The following ABCA12 variants were observed in gnomAD, a reference collection of about 807,000 sequenced individuals.
The protein encoded by ABCA12 is ATP binding cassette subfamily A member 12.
In ABCA12, 156 loss-of-function variants were observed where a neutral mutation model predicts 293.5. The observed-to-expected ratio is 0.53, with a 90% CI of 0.47 to 0.61. The LOEUF is 0.61. Among genes scored for constraint, ABCA12 ranks in the 20% least tolerant of loss-of-function variants. The pLI, the probability that ABCA12 is intolerant of heterozygous loss-of-function variation, is 0.00. For synonymous variants in ABCA12, 1,063 were observed against 1,108.0 expected, an observed-to-expected ratio of 0.96 and a Z score of 0.81; for missense variants, 2,797 against 3,090.2, an observed-to-expected ratio of 0.91 and a Z score of 2.25.
chr2:215,052,463 C>T lies in ABCA12; in HGVS notation c.507+24G>A, dbSNP rs537104868. ...AAGGCCTATGTTGAATCACTCTACC[C>T]ATTACAAAATTGAATCAAGTTACCT... On this transcript the variant is annotated intron_variant, in intron 5 of 52. Coordinates refer to ENST00000272895, the MANE Select transcript of ABCA12 (RefSeq NM_173076.3). 16 of 1,583,288 alleles carry T rather than the reference C, an allele frequency of 1.0e-5. No individual in the cohort carries two copies. The South Asian group carries it at 1.7e-4, about 16-fold the overall frequency.
intron 20 of ABCA12, among the ~76,000 whole-genome samples, chr2:215,003,741 C>A (rs1700192887): frequency 6.6e-6 from 1 of 151,548 alleles, no homozygotes; most frequent in Non-Finnish European, 1.5e-5. Flanking sequence ...GATCTTGGCT[C>A]ACTGAAACCT....
chr2:214,956,576 A>C, intron 42 of ABCA12, 87 bp downstream of exon 42: 1 of 947,748 alleles, frequency 1.1e-6, no homozygotes, highest in Non-Finnish European at 1.7e-6. Flanking sequence ...GACAATTGTA[A>C]TTTAGCTAAT....
intron 14 of ABCA12, among the ~76,000 whole-genome samples, chr2:215,016,605 A>AAAAAAAAAAAAAAAAAAG (rs1553534171): frequency 7.2e-6 from 1 of 139,186 alleles, no homozygotes; most frequent in Non-Finnish European, 1.5e-5. Flanking sequence ...AAAAAAAAAA[A>AAAAAAAAAAAAAAAAAAG]AAAAAAAAAG....
chr2:215,080,536 T>G (rs1701917171), intron 2 of ABCA12, among the ~76,000 whole-genome samples: 1 of 151,984 alleles, frequency 6.6e-6, no homozygotes, highest in African/African-American at 2.4e-5. Flanking sequence ...AGTCAGAAAT[T>G]TATCATAGGA....
intron 27 of ABCA12, among the ~76,000 whole-genome samples, chr2:214,986,944 T>C (rs1430141535): frequency 6.6e-6 from 1 of 152,228 alleles, no homozygotes; most frequent in East Asian, 1.9e-4. Context: ...CACCCTTCTT[T>C]GTTGGAAAAA....
intron 5 of ABCA12, 46 bp downstream of exon 5, chr2:215,052,441 G>C: frequency 6.8e-7 from 1 of 1,463,492 alleles, no homozygotes; most frequent in Non-Finnish European, 9.6e-7. Flanking sequence ...AACCTAAAAG[G>C]CCTATGTTGA....
At chr2:215,134,616 TAGAGAGAGAGAGAGAGAGAG>T (rs1212910485) in intron 1 of ABCA12, among the ~76,000 whole-genome samples, 4 of 80,658 alleles carry the variant, frequency 5.0e-5, no homozygotes, top group Non-Finnish European at 6.9e-5. Flanking sequence ...TATATATATA[TAGAGAGAGAGAGAGAGAGAG>T]AGAGACAAAC....
intron 2 of ABCA12, 135 bp downstream of exon 2, chr2:215,111,462 A>G: frequency 1.6e-6 from 1 of 614,156 alleles, no homozygotes; most frequent in Non-Finnish European, 2.9e-6. Flanking sequence ...AAACACACAA[A>G]TTGTTCATAT....
intron 15 of ABCA12, among the ~76,000 whole-genome samples, chr2:215,012,376 T>C (rs1266895281): frequency 1.3e-5 from 2 of 152,180 alleles, no homozygotes; most frequent in South Asian, 2.1e-4. Context: ...TTATTCACGA[T>C]AGCCAAAAAG....
Position 214,932,743 on chromosome 2 carries a change from T to A in ABCA12, c.7681-2A>T, listed in dbSNP as rs1698098880. The A allele has an allele frequency of 6.2e-7, 1 of 1,610,272 alleles. No homozygotes were observed. Among genetic ancestry groups the A allele is most frequent in the South Asian group, 1.1e-5 (1 of 91,024 alleles). Reference sequence around the variant, plus strand: ...GTCTTTGGCAAAGTTGATGAAAACCTGATTTTTCAGGGAAAATAAAGCCAT... The same window carrying A: ...GTCTTTGGCAAAGTTGATGAAAACCAGATTTTTCAGGGAAAATAAAGCCAT... On this transcript the variant is annotated splice_acceptor_variant, in intron 52 of 52. Coordinates refer to ENST00000272895, the MANE Select transcript of ABCA12 (RefSeq NM_173076.3). LOFTEE classifies it high-confidence loss of function.
chr2:214,986,631 T>C lies in ABCA12; in HGVS notation c.4074A>G (p.Lys1358=). The C allele has an allele frequency of 6.2e-7, 1 of 1,614,088 alleles. No homozygotes were observed. Among genetic ancestry groups the C allele is most frequent in the Non-Finnish European group, 8.5e-7 (1 of 1,179,982 alleles). ...LHGVTKIYGS[K]VAVDNLNLNF... ...TCAGATTGAGGTTATCAACAGCAAC[T>C]TTTGAGCCATAGATCTTTGTGACCC... Residue 1358 remains lysine, a synonymous_variant, in exon 28 of 53, where the codon AAA becomes AAG. Coordinates refer to ENST00000272895, the MANE Select transcript of ABCA12 (RefSeq NM_173076.3).
At chr2:215,063,834 C>T (rs1390849842) in intron 3 of ABCA12, among the ~76,000 whole-genome samples, 1 of 151,954 alleles carries the variant, frequency 6.6e-6, no homozygotes, top group Non-Finnish European at 1.5e-5. Flanking sequence ...ACTTTAGTCA[C>T]CCATCTTATA....
At chr2:214,962,137 CAAG>C (rs1261207351) in intron 39 of ABCA12, 2 of 152,172 alleles carry the variant, frequency 1.3e-5, no homozygotes, top group East Asian at 3.9e-4. Context: ...GCGCAAGGCT[CAAG>C]AAGATGAGAT....
At chr2:215,052,292 C>A (rs1016752145) in intron 5 of ABCA12, among the ~76,000 whole-genome samples, 195 bp downstream of exon 5, 1 of 151,424 alleles carries the variant, frequency 6.6e-6, no homozygotes, top group Non-Finnish European at 1.5e-5. Context: ...TAAATAAATA[C>A]TCAAGATATT....
At chr2:215,096,876 C>T (rs571899598) in intron 2 of ABCA12, among the ~76,000 whole-genome samples, 2 of 152,108 alleles carry the variant, frequency 1.3e-5, no homozygotes, top group East Asian at 3.9e-4. Context: ...CTCCGGGTCT[C>T]TTGGTCTAAT....
At chr2:214,963,020 A>C (rs1699155952) in intron 39 of ABCA12, 1 of 152,172 alleles carries the variant, frequency 6.6e-6, no homozygotes, top group Admixed American at 6.5e-5. Flanking sequence ...TTAGAGAACC[A>C]AGAGCAAATA....
chr2:215,097,402 G>A (rs538830944), intron 2 of ABCA12, among the ~76,000 whole-genome samples: 68 of 151,868 alleles, frequency 4.5e-4, no homozygotes, highest in South Asian at 3.1e-3. Flanking sequence ...AATAGATTGC[G>A]GATTTTACAG....
chr2:215,060,736 C>G (rs984154213), intron 3 of ABCA12, among the ~76,000 whole-genome samples: 2 of 152,066 alleles, frequency 1.3e-5, no homozygotes, highest in Non-Finnish European at 2.9e-5. Flanking sequence ...TTATCTTACA[C>G]TCCTAATAAT....
At chr2:215,086,340 T>C (rs972801979) in intron 2 of ABCA12, among the ~76,000 whole-genome samples, 1 of 152,236 alleles carries the variant, frequency 6.6e-6, no homozygotes, top group African/African-American at 2.4e-5. Context: ...AGACCAGGGA[T>C]ACTTAAGTCT....
Sources: allele counts gnomAD v4.1 joint callset (sites outside exome capture counted in the v4.1 genomes callset), GRCh38; gene constraint gnomAD v4.1.1; transcripts MANE v1.5; gene names NCBI Gene and HGNC (gene_info 2026-07-23, HGNC 2026-07-21).